Variants in ACCSL observed in about 807,000 individuals in gnomAD.
ACCSL encodes 1-aminocyclopropane-1-carboxylate synthase homolog (inactive) like.
A neutral mutation model predicts 61.7 loss-of-function variants in ACCSL; 55 were observed. The observed-to-expected ratio is 0.89, with a 90% CI of 0.72 to 1.12. ACCSL has a LOEUF of 1.12. Ranked by LOEUF, ACCSL falls within the 50% of genes most tolerant of loss-of-function variation. The pLI is 0.00. For synonymous variants in ACCSL, 258 were observed against 264.3 expected (o/e 0.98, Z 0.23); for missense variants, 632 against 698.0 (o/e 0.91, Z 1.07).
At chr11:44,056,936 A>C (rs2134776207) in intron 11 of ACCSL, among the ~76,000 whole-genome samples, 1 of 152,380 alleles carries the variant, frequency 6.6e-6, no homozygotes, top group African/African-American at 2.4e-5. Flanking sequence ...TAAGTTGTGA[A>C]GGTAGGAACT....
the ACCSL span, among the ~76,000 whole-genome samples, chr11:44,024,437 CTCTCTGTGTGTGTG>C: frequency 1.3e-5 from 1 of 74,906 alleles, no homozygotes. Context: ...CTCTCTCTCT[CTCTCTGTGTGTGTG>C]TGTGTGTGTG....
chr11:43,995,199 T>G, the ACCSL span: 1 of 152,282 alleles, frequency 6.6e-6, no homozygotes. Context: ...TGGGGCTGTT[T>G]TGAGGCCTTA....
At chr11:43,956,781 A>T in the ACCSL span, among the ~76,000 whole-genome samples, 1 of 152,168 alleles carries the variant, frequency 6.6e-6, no homozygotes, top group African/African-American at 2.4e-5. Flanking sequence ...GACTGTTTCA[A>T]TCAATTGAGG....
At chr11:44,005,562 G>A in the ACCSL span, among the ~76,000 whole-genome samples, 27 of 152,254 alleles carry the variant, frequency 1.8e-4, no homozygotes, top group African/African-American at 6.3e-4. Flanking sequence ...AATTTTGAAT[G>A]CACAGCGGGT....
the ACCSL span, among the ~76,000 whole-genome samples, chr11:43,998,761 G>A: frequency 7.7e-6 from 1 of 130,206 alleles, no homozygotes; most frequent in African/African-American, 2.8e-5. Flanking sequence ...ATTGTCACAT[G>A]GCATTTTTTT....
the ACCSL span, among the ~76,000 whole-genome samples, chr11:44,013,180 G>T: frequency 1.3e-5 from 2 of 152,200 alleles, no homozygotes; most frequent in East Asian, 3.8e-4. Flanking sequence ...GCAAAACAGC[G>T]TGTATATTAT....
At chr11:44,001,925 A>G in the ACCSL span, among the ~76,000 whole-genome samples, 1 of 147,910 alleles carries the variant, frequency 6.8e-6, no homozygotes, top group East Asian at 2.0e-4. Flanking sequence ...GCACTTCCTC[A>G]CTGTCCTCAC....
chr11:43,947,451 G>A, the ACCSL span, among the ~76,000 whole-genome samples: 9,990 of 152,164 alleles, frequency 0.066, 419 homozygotes, highest in East Asian at 0.1. Flanking sequence ...AAGGTGGCAC[G>A]CAGCTCCAAG....
chr11:43,933,711 G>A, the ACCSL span, among the ~76,000 whole-genome samples: 4 of 152,178 alleles, frequency 2.6e-5, no homozygotes, highest in Admixed American at 6.5e-5. Context: ...ATGAGCTCTC[G>A]TTACTCACAT....
At chr11:44,000,581 A>T in the ACCSL span, among the ~76,000 whole-genome samples, 1 of 143,914 alleles carries the variant, frequency 6.9e-6, no homozygotes, top group East Asian at 2.1e-4. Flanking sequence ...AAATAAATAA[A>T]GTATATGGGA....
At chr11:43,990,812 C>A in the ACCSL span, among the ~76,000 whole-genome samples, 1,240 of 152,162 alleles carry the variant, frequency 8.1e-3, 11 homozygotes, top group East Asian at 0.03. Context: ...TGGCTCACAC[C>A]GTAATCACAG....
the ACCSL span, among the ~76,000 whole-genome samples, chr11:43,968,500 C>T: frequency 4.5e-4 from 68 of 152,168 alleles, no homozygotes; most frequent in Non-Finnish European, 7.8e-4. Flanking sequence ...TTCTGCTTAC[C>T]TTTTTGCTTT....
At chr11:44,018,948 A>T in the ACCSL span, among the ~76,000 whole-genome samples, 6 of 152,346 alleles carry the variant, frequency 3.9e-5, no homozygotes, top group South Asian at 1.2e-3. Context: ...ATACCCATTA[A>T]TTCTCCATTC....
chr11:44,055,698 G>C (rs1952666997), intron 9 of ACCSL, among the ~76,000 whole-genome samples: 1 of 152,252 alleles, frequency 6.6e-6, no homozygotes, highest in Non-Finnish European at 1.5e-5. Flanking sequence ...ACCAAAGGTG[G>C]AGCAGTAGGA....
chr11:43,945,194 G>C, the ACCSL span: 1 of 152,256 alleles, frequency 6.6e-6, no homozygotes, highest in Non-Finnish European at 1.5e-5. Context: ...ACTGTGGTGG[G>C]GTATCATGGC....
the ACCSL span, among the ~76,000 whole-genome samples, chr11:43,971,847 C>T: frequency 6.6e-6 from 1 of 152,216 alleles, no homozygotes; most frequent in Non-Finnish European, 1.5e-5. Context: ...CTCTCCCTCA[C>T]TCTGCCAATA....
the ACCSL span, among the ~76,000 whole-genome samples, chr11:44,017,629 G>C: frequency 6.6e-6 from 1 of 152,168 alleles, no homozygotes; most frequent in Non-Finnish European, 1.5e-5. Flanking sequence ...ATCAGGTTCA[G>C]ATGTTTCCTC....
chr11:43,986,174 C>T, the ACCSL span, among the ~76,000 whole-genome samples: 1 of 151,976 alleles, frequency 6.6e-6, no homozygotes, highest in Non-Finnish European at 1.5e-5. Flanking sequence ...TTTCCACCAC[C>T]TAAAAGCTCT....
chr11:43,925,575 C>G, the ACCSL span: 1 of 406,176 alleles, frequency 2.5e-6, no homozygotes, highest in Admixed American at 2.5e-5. Flanking sequence ...TTCGCTTTTG[C>G]AAGGGGGTAC....
Sources: allele counts gnomAD v4.1 joint callset (sites outside exome capture counted in the v4.1 genomes callset), GRCh38; gene constraint gnomAD v4.1.1; transcripts MANE v1.5; gene names NCBI Gene and HGNC (gene_info 2026-07-23, HGNC 2026-07-21).